The following EYS variants were observed in gnomAD, a reference collection of about 807,000 sequenced individuals.
EYS encodes protein eyes shut homolog.
A neutral mutation model predicts 282.1 loss-of-function variants in EYS; 250 were observed. That is an observed-to-expected ratio of 0.89 (90% confidence interval 0.80 to 0.98). The LOEUF (loss-of-function observed/expected upper bound fraction) is 0.98, where lower values mean the gene tolerates loss of function less well. Ranked by LOEUF, EYS falls within the 50% of genes least tolerant of loss-of-function variation. The pLI is 0.00. For missense variants in EYS, 4,016 were observed against 3,709.0 expected (o/e 1.08, Z -2.15); for synonymous variants, 1,355 against 1,282.9 (o/e 1.06, Z -1.20).
At chr6:65,588,882 G>A (rs1307771352) in intron 2 of EYS, among the ~76,000 whole-genome samples, 2 of 133,686 alleles carry the variant, frequency 1.5e-5, no homozygotes, top group African/African-American at 5.8e-5. Flanking sequence ...TATACATCAG[G>A]CTTTCTTTTT....
intron 30 of EYS, among the ~76,000 whole-genome samples, chr6:64,238,391 T>C (rs900148008): frequency 6.6e-6 from 1 of 152,158 alleles, no homozygotes; most frequent in Non-Finnish European, 1.5e-5. Flanking sequence ...GGGTTATTAT[T>C]ATTGTTTTTA....
At chr6:64,516,022 A>T (rs532399101) in intron 26 of EYS, among the ~76,000 whole-genome samples, 1 of 151,906 alleles carries the variant, frequency 6.6e-6, no homozygotes, top group East Asian at 1.9e-4. Context: ...GATGTAATTA[A>T]TTTATAATAA....
At chr6:65,702,831 A>T (rs2149853763) in intron 1 of EYS, among the ~76,000 whole-genome samples, 1 of 152,270 alleles carries the variant, frequency 6.6e-6, no homozygotes, top group South Asian at 2.1e-4. Flanking sequence ...GATTAATTTT[A>T]TGTGTCAACT....
chr6:65,254,766 C>G (rs1269938994), intron 12 of EYS, among the ~76,000 whole-genome samples: 1 of 151,714 alleles, frequency 6.6e-6, no homozygotes, highest in Non-Finnish European at 1.5e-5. Flanking sequence ...TATTTATTTT[C>G]ATATGAAATC....
chr6:64,067,534 A>G (rs1302268383), intron 32 of EYS, among the ~76,000 whole-genome samples: 3 of 152,152 alleles, frequency 2.0e-5, no homozygotes, highest in Middle Eastern at 3.2e-3. Flanking sequence ...CAGTCCCAAA[A>G]CAGGTAATTA....
intron 12 of EYS, among the ~76,000 whole-genome samples, chr6:65,258,608 G>A (rs1176297774): frequency 6.6e-6 from 1 of 152,000 alleles, no homozygotes; most frequent in East Asian, 1.9e-4. Context: ...TGTCTTTCTT[G>A]CATTGGTTAA....
At chr6:65,455,701 G>C (rs571279292) in intron 5 of EYS, among the ~76,000 whole-genome samples, 1 of 152,118 alleles carries the variant, frequency 6.6e-6, no homozygotes, top group East Asian at 1.9e-4. Context: ...ATTAAATTTT[G>C]TAGAAATACA....
At chr6:64,968,742 C>T (rs746778532) in intron 14 of EYS, among the ~76,000 whole-genome samples, 1 of 152,128 alleles carries the variant, frequency 6.6e-6, no homozygotes, top group African/African-American at 2.4e-5. Flanking sequence ...GGTGTGCCCC[C>T]AGATCTGTCT....
At chr6:64,607,322 G>C (rs1766967029) in intron 24 of EYS, among the ~76,000 whole-genome samples, 1 of 151,708 alleles carries the variant, frequency 6.6e-6, no homozygotes, top group Non-Finnish European at 1.5e-5. Context: ...AAGGCACTAA[G>C]TCTTAGTCTG....
chr6:63,774,300 C>G (rs905955660), intron 40 of EYS, among the ~76,000 whole-genome samples: 1 of 152,050 alleles, frequency 6.6e-6, no homozygotes, highest in Admixed American at 6.6e-5. Context: ...TCCCAGGTAG[C>G]TGGGATTACA....
intron 40 of EYS, among the ~76,000 whole-genome samples, chr6:63,770,118 T>A (rs1369501432): frequency 1.3e-5 from 2 of 152,062 alleles, no homozygotes; most frequent in East Asian, 3.8e-4. Flanking sequence ...CTTAGGGCTT[T>A]ACCTTAGTGC....
rs889220303 is a variant in EYS at position 65,023,529 on chromosome 6, T to C, written c.2138-25826A>G. On this transcript the variant is annotated intron_variant, in intron 13 of 42. Transcript: ENST00000503581. The stretch of plus-strand genomic sequence containing the variant: ...TTGTGGATTTCCTGCCGTTGACATA[T>C]GTTAATCCAAAATAAGAAAAATGGG... Among the ~76,000 whole-genome samples the C allele has an allele frequency of 1.6e-4, 25 of 152,350 alleles. No homozygotes were observed. The South Asian group carries it at 4.1e-3, about 25-fold the overall frequency.
intron 35 of EYS, among the ~76,000 whole-genome samples, chr6:63,878,575 G>A (rs1773042164): frequency 2.0e-5 from 3 of 152,198 alleles, no homozygotes. Context: ...GCCCGCAGAG[G>A]CAGAGTCTAC....
At chr6:65,319,778 A>G (rs1416293884) in intron 11 of EYS, among the ~76,000 whole-genome samples, 1 of 152,130 alleles carries the variant, frequency 6.6e-6, no homozygotes, top group Non-Finnish European at 1.5e-5. Context: ...GTAGTCTGTT[A>G]AACAGGGAAG....
In EYS at chr6:64,439,993, AT is replaced by A. The variant is rs141869656; in HGVS notation, c.5645-642del. Among the ~76,000 whole-genome samples the A allele has an allele frequency of 2.1e-3, 318 of 150,052 alleles. 1 individual carries two copies. Among genetic ancestry groups the A allele is most frequent in the African/African-American group, 6.8e-3 (278 of 40,978 alleles). On this transcript the variant is annotated intron_variant, in intron 26 of 42. Coordinates refer to ENST00000503581, the MANE Select transcript of EYS (RefSeq NM_001142800.2). ...AACTACTTTATATTATTATTAAATCATTTTTTTTTGCTTGATAAATACTGGA... is the reference window on the plus strand; with the variant it reads ...AACTACTTTATATTATTATTAAATCATTTTTTTTGCTTGATAAATACTGGA...
At chr6:65,635,395 C>T (rs139027581) in intron 2 of EYS, among the ~76,000 whole-genome samples, 23 of 152,242 alleles carry the variant, frequency 1.5e-4, no homozygotes, top group African/African-American at 4.8e-4. Flanking sequence ...TTAACCACCC[C>T]GCCCCATCTT....
chr6:64,101,699 TG>T (rs1175552135), intron 31 of EYS, among the ~76,000 whole-genome samples: 1 of 152,026 alleles, frequency 6.6e-6, no homozygotes, highest in Non-Finnish European at 1.5e-5. Context: ...CTCCAAAGAC[TG>T]GGGTGGGATG....
At chr6:64,348,146 A>G (rs1771481825) in intron 29 of EYS, among the ~76,000 whole-genome samples, 1 of 151,440 alleles carries the variant, frequency 6.6e-6, no homozygotes, top group Non-Finnish European at 1.5e-5. Context: ...ACTAATAGCA[A>G]TAATTTTAAA....
chr6:65,369,385 G>A (rs1022521984), intron 8 of EYS, among the ~76,000 whole-genome samples: 11 of 145,000 alleles, frequency 7.6e-5, no homozygotes, highest in African/African-American at 2.5e-4. Context: ...TTCCAACAAA[G>A]CAAGAAAATA....
Sources: allele counts gnomAD v4.1 joint callset (sites outside exome capture counted in the v4.1 genomes callset), GRCh38; gene constraint gnomAD v4.1.1; transcripts MANE v1.5; gene names NCBI Gene and HGNC (gene_info 2026-07-23, HGNC 2026-07-21).